The following SLC8A1 variants were observed in gnomAD, a reference collection of about 807,000 sequenced individuals.
SLC8A1 encodes sodium/calcium exchanger 1.
SLC8A1 carries 18 observed loss-of-function variants against 68.3 expected under a neutral mutation model. That is an observed-to-expected ratio of 0.26 (90% confidence interval 0.18 to 0.39). The LOEUF is 0.39. Among genes scored for constraint, SLC8A1 ranks in the 10% least tolerant of loss-of-function variants. The pLI is 1.00. For synonymous variants in SLC8A1, 475 were observed against 415.5 expected, an observed-to-expected ratio of 1.14 and a Z score of -1.74; for missense variants, 985 against 1,156.7, an observed-to-expected ratio of 0.85 and a Z score of 2.15.
chr2:40,198,688 G>C (rs1244428996), intron 2 of SLC8A1, among the ~76,000 whole-genome samples: 1 of 151,830 alleles, frequency 6.6e-6, no homozygotes, highest in East Asian at 1.9e-4. Flanking sequence ...CAGTTGTTTG[G>C]AATGCATGGT....
At chr2:40,498,614 T>G (rs1705860525) in intron 1 of SLC8A1, among the ~76,000 whole-genome samples, 1 of 152,100 alleles carries the variant, frequency 6.6e-6, no homozygotes, top group South Asian at 2.1e-4. Flanking sequence ...CAATACAATT[T>G]AATGTAATCC....
chr2:40,184,380 T>C (rs1573724365), intron 2 of SLC8A1, among the ~76,000 whole-genome samples: 1 of 152,182 alleles, frequency 6.6e-6, no homozygotes, highest in Admixed American at 6.5e-5. Flanking sequence ...GAAGATCATT[T>C]TGTTTTGTCT....
chr2:40,403,335 G>C (rs1689313563), intron 2 of SLC8A1, among the ~76,000 whole-genome samples: 1 of 152,148 alleles, frequency 6.6e-6, no homozygotes, highest in South Asian at 2.1e-4. Context: ...CTCGTTTCAT[G>C]GTTAGCAGGT....
At chr2:40,179,271 T>G (rs1442937331) in intron 2 of SLC8A1, among the ~76,000 whole-genome samples, 1 of 152,244 alleles carries the variant, frequency 6.6e-6, no homozygotes, top group African/African-American at 2.4e-5. Flanking sequence ...GTTTTAACTT[T>G]CTATGAAACA....
At chr2:40,212,301 T>TTTTTTTC (rs1553417570) in intron 2 of SLC8A1, among the ~76,000 whole-genome samples, 1 of 150,320 alleles carries the variant, frequency 6.7e-6, no homozygotes, top group Non-Finnish European at 1.5e-5. Flanking sequence ...TTTTTTTTTT[T>TTTTTTTC]CCTGAGACAA....
chr2:40,399,353 C>A (rs1232748506), intron 2 of SLC8A1, among the ~76,000 whole-genome samples: 2 of 150,954 alleles, frequency 1.3e-5, no homozygotes, highest in Non-Finnish European at 3.0e-5. Flanking sequence ...ACATACCCCA[C>A]ACTAGGATCA....
intron 2 of SLC8A1, among the ~76,000 whole-genome samples, chr2:40,200,222 T>TATATATATAAATATATATA (rs1558722368): frequency 3.9e-4 from 2 of 5,174 alleles, no homozygotes; most frequent in African/African-American, 9.3e-4. Flanking sequence ...ATATATATTT[T>TATATATATAAATATATATA]TTTATATATA....
intron 2 of SLC8A1, among the ~76,000 whole-genome samples, chr2:40,340,325 C>T (rs920925536): frequency 6.6e-6 from 1 of 152,106 alleles, no homozygotes; most frequent in Non-Finnish European, 1.5e-5. Flanking sequence ...CTTTGGGAGG[C>T]CGAGGCAGGT....
At chr2:40,252,770 G>A (rs917193287) in intron 2 of SLC8A1, among the ~76,000 whole-genome samples, 7 of 142,596 alleles carry the variant, frequency 4.9e-5, no homozygotes, top group African/African-American at 2.1e-4. Context: ...ATCAGAAGGT[G>A]AATGTTAGCA....
intron 1 of SLC8A1, among the ~76,000 whole-genome samples, chr2:40,488,661 T>C (rs1705123287): frequency 6.6e-6 from 1 of 152,104 alleles, no homozygotes; most frequent in Non-Finnish European, 1.5e-5. Context: ...AAGCCACGAA[T>C]CTCCTAATTC....
chr2:40,484,571 A>T (rs563848058), intron 1 of SLC8A1, among the ~76,000 whole-genome samples: 2 of 152,270 alleles, frequency 1.3e-5, no homozygotes, highest in Middle Eastern at 3.4e-3. Context: ...ATCTAACGCG[A>T]GGGGCTTTGA....
chr2:40,408,553 T>G (rs1475557562), intron 2 of SLC8A1, among the ~76,000 whole-genome samples: 1 of 152,110 alleles, frequency 6.6e-6, no homozygotes, highest in Admixed American at 6.6e-5. Context: ...TGAATCTGGG[T>G]GAAGGGAGAC....
chr2:40,138,005 T>G (rs899877248), intron 7 of SLC8A1, among the ~76,000 whole-genome samples: 1 of 152,164 alleles, frequency 6.6e-6, no homozygotes, highest in Non-Finnish European at 1.5e-5. Context: ...CATCCTAACT[T>G]ATTCAATATA....
intron 2 of SLC8A1, among the ~76,000 whole-genome samples, chr2:40,338,298 G>T (rs958182985): frequency 6.6e-6 from 1 of 152,048 alleles, no homozygotes; most frequent in South Asian, 2.1e-4. Context: ...TTGGCACCTG[G>T]TTTTACTAAT....
intron 2 of SLC8A1, among the ~76,000 whole-genome samples, chr2:40,388,482 C>G (rs1238525415): frequency 6.6e-6 from 1 of 152,102 alleles, no homozygotes; most frequent in Non-Finnish European, 1.5e-5. Flanking sequence ...AGCTTCTAAA[C>G]CATGAGAAGG....
chr2:40,403,761 T>G (rs550399334), intron 2 of SLC8A1, among the ~76,000 whole-genome samples: 1 of 152,272 alleles, frequency 6.6e-6, no homozygotes, highest in East Asian at 1.9e-4. Context: ...AACCTATTCA[T>G]AGAAAGCATT....
intron 1 of SLC8A1, among the ~76,000 whole-genome samples, chr2:40,437,763 A>C (rs1699715259): frequency 6.6e-6 from 1 of 152,140 alleles, no homozygotes; most frequent in African/African-American, 2.4e-5. Context: ...AAGTAATCCA[A>C]AGAAATGCAA....
At chr2:40,111,946 A>T (rs2034583053) in exon 8 of SLC8A1, 1 of 152,186 alleles carries the variant, frequency 6.6e-6, no homozygotes. Context: ...AGTCATACTA[A>T]GCAACGTAAA....
At position 40,398,205 on chromosome 2, in the gene SLC8A1, G is replaced by C. The variant is rs563002193; in HGVS notation, c.1808+30268C>G. Reference sequence around the variant, plus strand: ...CTCAAGAGAAGTACAACGTGCCTTGGTCCCTTCTCCCTAGTCTTGGTCAGC... The same window carrying C: ...CTCAAGAGAAGTACAACGTGCCTTGCTCCCTTCTCCCTAGTCTTGGTCAGC... On this transcript the variant is annotated intron_variant, in intron 2 of 7. Coordinates refer to ENST00000406785, the Ensembl canonical transcript of SLC8A1. 4.6e-5 allele frequency among the ~76,000 whole-genome samples: 7 copies of C among 152,226 alleles called. No individual in the cohort carries two copies. The South Asian group carries it at 1.5e-3, about 32-fold the overall frequency.
Sources: gnomAD v4.1 joint callset for allele counts (sites outside exome capture counted in the v4.1 genomes callset) on GRCh38, gnomAD v4.1.1 for gene constraint, MANE v1.5 for transcripts, NCBI Gene and HGNC (gene_info 2026-07-23, HGNC 2026-07-21) for gene names.